Variants in SLC60A2 observed in about 807,000 individuals in gnomAD.
The protein encoded by SLC60A2 is solute carrier family 60 member 2.
At chr6:111,271,842 A>G in the SLC60A2 span, among the ~76,000 whole-genome samples, 1 of 140,234 alleles carries the variant, frequency 7.1e-6, no homozygotes, top group African/African-American at 2.6e-5. Context: ...GGTGGCAGGC[A>G]TTTGTAATCC....
the SLC60A2 span, among the ~76,000 whole-genome samples, chr6:111,276,777 GCT>G: frequency 6.6e-6 from 1 of 152,184 alleles, no homozygotes; most frequent in South Asian, 2.1e-4. Flanking sequence ...TAAATGGGCT[GCT>G]CTCTGCCTCT....
the SLC60A2 span, among the ~76,000 whole-genome samples, chr6:111,271,581 TA>T: frequency 6.6e-6 from 1 of 151,484 alleles, no homozygotes; most frequent in Admixed American, 6.6e-5. Context: ...TTTATTTTTT[TA>T]AAAAAACCTA....
the SLC60A2 span, among the ~76,000 whole-genome samples, chr6:111,275,678 G>C: frequency 2.0e-5 from 3 of 152,114 alleles, no homozygotes; most frequent in African/African-American, 7.2e-5. Context: ...AAAGTGCTGC[G>C]ATTACAGGTG....
At chr6:111,262,280 A>G in the SLC60A2 span, 1 of 1,613,992 alleles carries the variant, frequency 6.2e-7, no homozygotes, top group South Asian at 1.1e-5. Context: ...CTATAGTGGG[A>G]CCCACGTTTC....
chr6:111,266,725 A>G, the SLC60A2 span: 6 of 1,614,200 alleles, frequency 3.7e-6, no homozygotes, highest in Admixed American at 1.7e-5. Context: ...GTAGTTCTGT[A>G]TACCTCTTTG....
At chr6:111,276,214 A>G in the SLC60A2 span, among the ~76,000 whole-genome samples, 1 of 152,198 alleles carries the variant, frequency 6.6e-6, no homozygotes, top group African/African-American at 2.4e-5. Context: ...GCTGTTGTTA[A>G]TACGCTGCTG....
the SLC60A2 span, among the ~76,000 whole-genome samples, chr6:111,261,766 G>A: frequency 6.6e-6 from 1 of 151,918 alleles, no homozygotes; most frequent in African/African-American, 2.4e-5. Flanking sequence ...GCTAATTTTT[G>A]TATTTTTAGT....
the SLC60A2 span, chr6:111,262,178 T>G: frequency 4.2e-6 from 5 of 1,191,084 alleles, no homozygotes. Flanking sequence ...CCTTTTTTTT[T>G]ATAGTGGAAG....
the SLC60A2 span, among the ~76,000 whole-genome samples, chr6:111,260,218 C>T: frequency 6.6e-6 from 1 of 152,210 alleles, no homozygotes; most frequent in Non-Finnish European, 1.5e-5. Flanking sequence ...GCCCGGCAAG[C>T]CTTCCTACGT....
chr6:111,261,554 G>A, the SLC60A2 span, among the ~76,000 whole-genome samples: 1 of 152,168 alleles, frequency 6.6e-6, no homozygotes, highest in Non-Finnish European at 1.5e-5. Context: ...AGATTGCTGG[G>A]ATTACAGGTG....
At chr6:111,268,004 G>A in the SLC60A2 span, 5 of 152,312 alleles carry the variant, frequency 3.3e-5, no homozygotes, top group East Asian at 5.8e-4. Context: ...CGTAGGCCTT[G>A]TTTATCTCGC....
the SLC60A2 span, chr6:111,265,497 C>G: frequency 2.1e-6 from 1 of 484,234 alleles, no homozygotes; most frequent in African/African-American, 2.1e-5. Context: ...GGTAATTTGG[C>G]TACTATCTGA....
At chr6:111,274,195 G>A in the SLC60A2 span, among the ~76,000 whole-genome samples, 6 of 152,016 alleles carry the variant, frequency 3.9e-5, no homozygotes, top group East Asian at 3.9e-4. Context: ...TCTGGTGTTC[G>A]GTGCATATAT....
At chr6:111,276,108 T>C in the SLC60A2 span, among the ~76,000 whole-genome samples, 1 of 152,260 alleles carries the variant, frequency 6.6e-6, no homozygotes, top group Admixed American at 6.5e-5. Flanking sequence ...TGTTAGAATT[T>C]CTTTCCTTTT....
chr6:111,261,162 CTA>C, the SLC60A2 span, among the ~76,000 whole-genome samples: 1 of 152,172 alleles, frequency 6.6e-6, no homozygotes, highest in African/African-American at 2.4e-5. Context: ...CCTTTACTGA[CTA>C]ATTCTGATGG....
chr6:111,262,579 G>A, the SLC60A2 span, among the ~76,000 whole-genome samples: 2 of 152,204 alleles, frequency 1.3e-5, no homozygotes, highest in African/African-American at 4.8e-5. Flanking sequence ...CCTGGTACCT[G>A]CTTTCATCTT....
the SLC60A2 span, chr6:111,263,782 A>G: frequency 5.0e-6 from 5 of 1,003,802 alleles, no homozygotes; most frequent in Non-Finnish European, 7.9e-6. Flanking sequence ...GACTTGATCC[A>G]TGACTGCATG....
At chr6:111,271,016 G>T in the SLC60A2 span, 1 of 116,832 alleles carries the variant, frequency 8.6e-6, no homozygotes, top group South Asian at 3.1e-4. Flanking sequence ...GTGAGTTATC[G>T]CAGAGTTATG....
the SLC60A2 span, chr6:111,264,013 C>G: frequency 1.2e-6 from 1 of 804,346 alleles, no homozygotes; most frequent in Non-Finnish European, 2.1e-6. Flanking sequence ...GCAGATGATA[C>G]TAAACTGTCA....
Sources: allele counts gnomAD v4.1 joint callset (sites outside exome capture counted in the v4.1 genomes callset), GRCh38; gene constraint gnomAD v4.1.1; transcripts MANE v1.5; gene names NCBI Gene and HGNC (gene_info 2026-07-23, HGNC 2026-07-21).